Variants in HIBADH observed in about 807,000 individuals in gnomAD.
HIBADH encodes the protein 3-hydroxyisobutyrate dehydrogenase, also known as 3-hydroxyisobutyrate dehydrogenase, mitochondrial.
In HIBADH, 25 loss-of-function variants were observed where a neutral mutation model predicts 36.1. The observed-to-expected ratio is 0.69, with a 90% CI of 0.50 to 0.97. The LOEUF (loss-of-function observed/expected upper bound fraction) is 0.97, where lower values mean the gene tolerates loss of function less well. Among genes scored for constraint, HIBADH ranks in the 50% least tolerant of loss-of-function variants. HIBADH has a pLI of 0.00. For synonymous variants in HIBADH, 160 were observed against 149.5 expected (o/e 1.07, Z -0.51); for missense variants, 421 against 418.0 (o/e 1.01, Z -0.06).
At position 27,543,068 on chromosome 7, in the gene HIBADH, ACGTG is replaced by A. The variant is rs1207517488; in HGVS notation, c.513_516del (p.Thr172LeufsTer44). On this transcript the variant is annotated frameshift_variant, in exon 5 of 8. Transcript: ENST00000265395. LOFTEE classifies it high-confidence loss of function. ...TCATCTTCAACTCCTCCCACCATAAACGTGAGGTTCCCAGATCGTGCAGCTCCTA... is the reference window on the plus strand; with the variant it reads ...TCATCTTCAACTCCTCCCACCATAAAAGGTTCCCAGATCGTGCAGCTCCTA... The A allele has an allele frequency of 1.2e-6, 2 of 1,613,638 alleles. No homozygotes were observed. Among genetic ancestry groups the A allele is most frequent in the South Asian group, 2.2e-5 (2 of 91,058 alleles).
chr7:27,538,238 G>T, intron 6 of HIBADH, 103 bp downstream of exon 6: 1 of 871,792 alleles, frequency 1.1e-6, no homozygotes, highest in Non-Finnish European at 1.8e-6. Context: ...AATGTTCTTG[G>T]ATCAACTCAT....
At chr7:27,527,917 C>CTTTTTTTTTTTTTTTT (rs1562609863) in intron 7 of HIBADH, among the ~76,000 whole-genome samples, 1,246 of 76,868 alleles carry the variant, frequency 0.016, 456 homozygotes, top group African/African-American at 0.032. Context: ...CCACACCCAG[C>CTTTTTTTTTTTTTTTT]GTTTTTTTTT....
chr7:27,574,183 A>G (rs894136139), intron 4 of HIBADH, among the ~76,000 whole-genome samples: 7 of 130,586 alleles, frequency 5.4e-5, no homozygotes, highest in African/African-American at 1.8e-4. Context: ...ATGGAAATAC[A>G]GAGTTAGAAA....
chr7:27,660,535 G>A (rs1269854586), intron 1 of HIBADH, among the ~76,000 whole-genome samples: 1 of 152,046 alleles, frequency 6.6e-6, no homozygotes, highest in Non-Finnish European at 1.5e-5. Context: ...CGTGGTGGCA[G>A]GCGCCTGTAG....
At chr7:27,536,206 C>T (rs2128183552) in intron 6 of HIBADH, among the ~76,000 whole-genome samples, 1 of 152,124 alleles carries the variant, frequency 6.6e-6, no homozygotes, top group East Asian at 1.9e-4. Flanking sequence ...AAGACAATAG[C>T]AGAAGCATTC....
At chr7:27,577,024 T>G (rs1372226821) in intron 4 of HIBADH, among the ~76,000 whole-genome samples, 2 of 152,186 alleles carry the variant, frequency 1.3e-5, no homozygotes, top group Non-Finnish European at 2.9e-5. Flanking sequence ...AGGTTTATCT[T>G]AAAAGGCAAT....
At chr7:27,581,790 T>C (rs913350562) in intron 4 of HIBADH, among the ~76,000 whole-genome samples, 2 of 151,896 alleles carry the variant, frequency 1.3e-5, no homozygotes, top group African/African-American at 4.8e-5. Context: ...ATACAGAATA[T>C]CATTTTTCCA....
chr7:27,645,382 T>TTTTTTC lies in HIBADH; in HGVS notation c.252+4090_252+4091insGAAAAA, dbSNP rs1583617470. Among the ~76,000 whole-genome samples the TTTTTTC allele has an allele frequency of 1.2e-4, 16 of 129,104 alleles. No homozygotes were observed. The East Asian group carries it at 3.5e-3, about 29-fold the overall frequency. 84.7% of individuals were successfully genotyped at this position (129,104 alleles called of 152,430 possible). A position where few individuals can be genotyped will look rare whatever the true frequency, so the allele number is the denominator to read the frequency against. ...TCATGGTTTTGATTTTTTTTTTTTT[T>TTTTTTC]TTTTTTTTTTTTTGAGACAGAGTCT... is the stretch of plus-strand genomic sequence containing the variant. On this transcript the variant is annotated intron_variant, in intron 2 of 7. Coordinates refer to ENST00000265395, the MANE Select transcript of HIBADH (RefSeq NM_152740.4).
At chr7:27,587,300 C>T (rs990720181) in intron 4 of HIBADH, among the ~76,000 whole-genome samples, 1 of 152,146 alleles carries the variant, frequency 6.6e-6, no homozygotes, top group African/African-American at 2.4e-5. Context: ...AAATTAATTG[C>T]AAAAGAAAAC....
chr7:27,624,590 T>A (rs1226928518), intron 4 of HIBADH, among the ~76,000 whole-genome samples: 1 of 152,268 alleles, frequency 6.6e-6, no homozygotes. Flanking sequence ...GGAATGTTCA[T>A]CTGCTGCTTA....
chr7:27,532,428 G>A (rs1245499234), intron 6 of HIBADH, among the ~76,000 whole-genome samples: 4 of 152,140 alleles, frequency 2.6e-5, no homozygotes, highest in Non-Finnish European at 5.9e-5. Context: ...CGCTCAGATT[G>A]TTTACTCTGT....
At chr7:27,629,883 C>A (rs1351485202) in intron 3 of HIBADH, among the ~76,000 whole-genome samples, 1 of 152,088 alleles carries the variant, frequency 6.6e-6, no homozygotes, top group East Asian at 1.9e-4. Context: ...GTAGCTGGAT[C>A]TTTAAAAAGT....
At chr7:27,549,931 T>C (rs1411120904) in intron 4 of HIBADH, among the ~76,000 whole-genome samples, 7 of 152,212 alleles carry the variant, frequency 4.6e-5, no homozygotes. Context: ...CTTTTTGAGA[T>C]GGAGTCTCGC....
chr7:27,534,838 G>C (rs1784049988), intron 6 of HIBADH, among the ~76,000 whole-genome samples: 1 of 151,638 alleles, frequency 6.6e-6, no homozygotes, highest in Non-Finnish European at 1.5e-5. Context: ...CACCTACTAT[G>C]TGCCAGAAAC....
chr7:27,569,917 C>G (rs1444879018), intron 4 of HIBADH, among the ~76,000 whole-genome samples: 3 of 152,148 alleles, frequency 2.0e-5, no homozygotes, highest in African/African-American at 7.2e-5. Flanking sequence ...TATGGCAGAG[C>G]TGGGAGGGAA....
intron 4 of HIBADH, among the ~76,000 whole-genome samples, chr7:27,595,239 A>T (rs941334418): frequency 6.6e-6 from 1 of 152,144 alleles, no homozygotes; most frequent in African/African-American, 2.4e-5. Context: ...ATTTCCAGCC[A>T]GGCGCAGTGG....
At chr7:27,526,434 G>T in intron 7 of HIBADH, 62 bp from the exon 8 acceptor site, 7 of 1,351,908 alleles carry the variant, frequency 5.2e-6, no homozygotes, top group Non-Finnish European at 5.9e-6. Context: ...TGGAACTGTG[G>T]TTCCTTATGT....
intron 4 of HIBADH, among the ~76,000 whole-genome samples, chr7:27,576,547 GC>G (rs1204819891): frequency 6.6e-6 from 1 of 152,100 alleles, no homozygotes; most frequent in East Asian, 1.9e-4. Flanking sequence ...ACCTCTAGTG[GC>G]CCATAATTTT....
chr7:27,553,912 G>C (rs1447201580), intron 4 of HIBADH, among the ~76,000 whole-genome samples: 1 of 152,176 alleles, frequency 6.6e-6, no homozygotes, highest in Admixed American at 6.5e-5. Context: ...ACAAGGGTGT[G>C]ATCTTGGCTC....
Sources: gnomAD v4.1 joint callset for allele counts (sites outside exome capture counted in the v4.1 genomes callset) on GRCh38, gnomAD v4.1.1 for gene constraint, MANE v1.5 for transcripts, NCBI Gene and HGNC (gene_info 2026-07-23, HGNC 2026-07-21) for gene names.